SLC7A9: variants seen among roughly 807,000 people sequenced by gnomAD.
The protein encoded by SLC7A9 is solute carrier family 7 member 9.
A neutral mutation model predicts 54.1 loss-of-function variants in SLC7A9; 38 were observed. That is an observed-to-expected ratio of 0.70 (90% confidence interval 0.54 to 0.92). The LOEUF (loss-of-function observed/expected upper bound fraction) is 0.92. Ranked by LOEUF, SLC7A9 falls within the 40% of genes least tolerant of loss-of-function variation. The pLI is 0.00. For synonymous variants in SLC7A9, 264 were observed against 258.9 expected, an observed-to-expected ratio of 1.02 and a Z score of -0.19; for missense variants, 537 against 636.1, an observed-to-expected ratio of 0.84 and a Z score of 1.68.
At chr19:32,862,360 A>G (rs1329751551) in intron 5 of SLC7A9, 101 bp downstream of exon 5, 5 of 1,555,016 alleles carry the variant, frequency 3.2e-6, no homozygotes, top group Non-Finnish European at 4.4e-6. Flanking sequence ...AGTTCCTGCC[A>G]TGCTTCCTTG....
intron 9 of SLC7A9, among the ~76,000 whole-genome samples, chr19:32,844,562 T>C (rs1441680615): frequency 1.3e-5 from 2 of 152,152 alleles, no homozygotes; most frequent in Admixed American, 6.6e-5. Context: ...CCAGGCACAG[T>C]GGCTCACACC....
At chr19:32,837,236 C>T (rs897425268) in intron 11 of SLC7A9, among the ~76,000 whole-genome samples, 5 of 152,056 alleles carry the variant, frequency 3.3e-5, no homozygotes, top group African/African-American at 1.2e-4. Flanking sequence ...TGGCTCACAC[C>T]TGTAATCCCA....
Position 32,865,217 on chromosome 19 carries a change from T to C in SLC7A9, c.88-441A>G, listed in dbSNP as rs1000744974. ...CCTAGAGTCCTGGCCAGAGGCTCCA[T>C]GCAGGGTGAGCAACGGAGGCCTCCC... is the stretch of plus-strand genomic sequence containing the variant. On this transcript the variant is annotated intron_variant, in intron 2 of 12. Coordinates refer to ENST00000023064, the MANE Select transcript of SLC7A9 (RefSeq NM_014270.5). 2.0e-5 allele frequency among the ~76,000 whole-genome samples: 3 copies of C among 152,218 alleles called. No individual in the cohort carries two copies. In the East Asian group the frequency reaches 5.8e-4, roughly 29 times the overall value.
At chr19:32,858,302 G>A in intron 9 of SLC7A9, 138 bp downstream of exon 9, 2 of 687,674 alleles carry the variant, frequency 2.9e-6, no homozygotes, top group Admixed American at 2.0e-5. Flanking sequence ...TCCCTTCTCT[G>A]GATTTGGGTC....
intron 2 of SLC7A9, among the ~76,000 whole-genome samples, chr19:32,865,973 A>C (rs190556509): frequency 0.023 from 3,501 of 151,808 alleles, 78 homozygotes; most frequent in Non-Finnish European, 0.035. Context: ...AAAAAAAAAA[A>C]AACCTGCACA....
chr19:32,837,050 A>C (rs1422250744), intron 11 of SLC7A9, among the ~76,000 whole-genome samples: 2 of 149,554 alleles, frequency 1.3e-5, no homozygotes, highest in African/African-American at 4.8e-5. Context: ...TATTCATATA[A>C]TGATAAGTCT....
intron 9 of SLC7A9, among the ~76,000 whole-genome samples, chr19:32,847,211 GAA>G (rs1968324733): frequency 6.6e-6 from 1 of 152,200 alleles, no homozygotes; most frequent in Non-Finnish European, 1.5e-5. Context: ...GTTGAGAGAA[GAA>G]GGCTTCAGAC....
At chr19:32,861,013 GA>G (rs1321658671) in intron 6 of SLC7A9, among the ~76,000 whole-genome samples, 1 of 152,192 alleles carries the variant, frequency 6.6e-6, no homozygotes, top group Non-Finnish European at 1.5e-5. Flanking sequence ...CATCGTTGCA[GA>G]TGGCCATGCT....
chr19:32,864,345 C>T lies in SLC7A9; in HGVS notation c.236-7G>A, dbSNP rs1365532430. The T allele has an allele frequency of 6.2e-7, 1 of 1,613,808 alleles. No homozygotes were observed. Among genetic ancestry groups the T allele is most frequent in the East Asian group, 2.2e-5 (1 of 44,860 alleles). On this transcript the variant is annotated splice_polypyrimidine_tract_variant and splice_region_variant and intron_variant, in intron 3 of 12. Coordinates refer to ENST00000023064, the MANE Select transcript of SLC7A9 (RefSeq NM_014270.5). ...TCCGCAAAGCACAGGGCACCTGGAACACAGAGAGGAAGGGCCCACAGGCCC... is the reference window on the plus strand; with the variant it reads ...TCCGCAAAGCACAGGGCACCTGGAATACAGAGAGGAAGGGCCCACAGGCCC...
intron 9 of SLC7A9, among the ~76,000 whole-genome samples, 163 bp from the exon 10 acceptor site, chr19:32,844,114 G>A (rs1230572629): frequency 2.0e-5 from 3 of 152,212 alleles, no homozygotes; most frequent in Non-Finnish European, 2.9e-5. Context: ...TTCGGGAGAC[G>A]AGTGGGTTTT....
chr19:32,840,564 G>A (rs1362183044), intron 11 of SLC7A9, among the ~76,000 whole-genome samples: 1 of 151,862 alleles, frequency 6.6e-6, no homozygotes, highest in Non-Finnish European at 1.5e-5. Flanking sequence ...GCCTCTCTGT[G>A]GAGCCCCTTC....
intron 2 of SLC7A9, 56 bp from the exon 3 acceptor site, chr19:32,864,832 G>A (rs1271687066): frequency 1.9e-6 from 3 of 1,611,126 alleles, no homozygotes; most frequent in Non-Finnish European, 1.7e-6. Context: ...CAGCCCAGAA[G>A]GCCAGGTGCC....
At chr19:32,847,830 C>T (rs1304037128) in intron 9 of SLC7A9, among the ~76,000 whole-genome samples, 2 of 152,146 alleles carry the variant, frequency 1.3e-5, no homozygotes, top group East Asian at 1.9e-4. Flanking sequence ...AGACTAACAG[C>T]GGATCTCTTG....
At chr19:32,859,573 A>G (rs140359188) in intron 8 of SLC7A9, among the ~76,000 whole-genome samples, 2,433 of 152,118 alleles carry the variant, frequency 0.016, 216 homozygotes, top group Admixed American at 0.14. Context: ...CCAAAAATAT[A>G]TATATTTTTT....
chr19:32,862,436 C>A (rs747867556), intron 5 of SLC7A9, 25 bp downstream of exon 5: 8 of 1,612,152 alleles, frequency 5.0e-6, no homozygotes, highest in Non-Finnish European at 6.8e-6. Flanking sequence ...TGTGCCCGTG[C>A]AGGGCCCACC....
intron 11 of SLC7A9, among the ~76,000 whole-genome samples, chr19:32,835,080 C>T (rs1967919347): frequency 6.6e-6 from 1 of 152,204 alleles, no homozygotes. Context: ...ATGAGCCAAT[C>T]ACACCCAGCC....
At chr19:32,831,905 T>C (rs1425458651) in intron 12 of SLC7A9, among the ~76,000 whole-genome samples, 1 of 152,244 alleles carries the variant, frequency 6.6e-6, no homozygotes, top group Non-Finnish European at 1.5e-5. Context: ...ATGGTGGGAA[T>C]ATGCCTAATG....
In SLC7A9 at chr19:32,862,386, G is replaced by A. The variant is rs1312220470; in HGVS notation, c.604+75C>T. The A allele has an allele frequency of 2.5e-6, 4 of 1,597,444 alleles. No homozygotes were observed. In the African/African-American group the frequency reaches 4.0e-5, roughly 16 times the overall value. ...TGCTTCCTTGGAGATGGGCTCGTGGGGCAAGGCTGCTCCTGCTCCCAGTGG... is the reference window on the plus strand; with the variant it reads ...TGCTTCCTTGGAGATGGGCTCGTGGAGCAAGGCTGCTCCTGCTCCCAGTGG... On this transcript the variant is annotated intron_variant, in intron 5 of 12. Coordinates refer to ENST00000023064, the MANE Select transcript of SLC7A9 (RefSeq NM_014270.5).
chr19:32,865,295 A>G (rs529324119), intron 2 of SLC7A9, among the ~76,000 whole-genome samples: 1 of 152,284 alleles, frequency 6.6e-6, no homozygotes, highest in Non-Finnish European at 1.5e-5. Flanking sequence ...ATTTTCTTTT[A>G]TCTTATTTTT....
Sources: gnomAD v4.1 joint callset for allele counts (sites outside exome capture counted in the v4.1 genomes callset) on GRCh38, gnomAD v4.1.1 for gene constraint, MANE v1.5 for transcripts, NCBI Gene and HGNC (gene_info 2026-07-23, HGNC 2026-07-21) for gene names.